VGLL4: variants seen among roughly 807,000 people sequenced by gnomAD.
VGLL4 encodes the protein vestigial like family member 4.
VGLL4 carries 7 observed loss-of-function variants against 21.0 expected under a neutral mutation model. That is an observed-to-expected ratio of 0.33 (90% CI 0.19 to 0.63). The LOEUF (loss-of-function observed/expected upper bound fraction) is 0.63, where lower values mean the gene tolerates loss of function less well. Ranked by LOEUF, VGLL4 falls within the 20% of genes least tolerant of loss-of-function variation. VGLL4 has a pLI of 0.78. For missense variants in VGLL4, 394 were observed against 425.7 expected, an observed-to-expected ratio of 0.93 and a Z score of 0.66; for synonymous variants, 222 against 173.2, an observed-to-expected ratio of 1.28 and a Z score of -2.21.
At position 11,558,454 on chromosome 3, in the gene VGLL4, T is replaced by TGGG; in HGVS notation, c.*101_*102insCCC. The TGGG allele has an allele frequency of 9.4e-7, 1 of 1,064,154 alleles. No homozygotes were observed. The highest frequency in any genetic ancestry group is 1.3e-6 in the Non-Finnish European group (1 of 775,578). 65.9% of individuals were successfully genotyped at this position (1,064,154 alleles called of 1,614,324 possible). A position where few individuals can be genotyped will look rare whatever the true frequency, so the allele number is the denominator to read the frequency against. ...TTTGCAAATAAACCATCCCTTCCCT[T>TGGG]CCCCCCACCCCACCCCCATGATTTT... On this transcript the variant is annotated 3_prime_UTR_variant, in exon 5 of 5. Transcript: ENST00000430365.
Position 11,690,893 on chromosome 3 carries a change from CAG to C in VGLL4, c.64+12076_64+12077del, listed in dbSNP as rs566210322. On this transcript the variant is annotated intron_variant, in intron 2 of 5. Transcript: ENST00000273038. ...TTGCTTCTACACATTATATGCACAT[CAG>C]ATGCCAAGTCAACGAGTATTTCATA... Among the ~76,000 whole-genome samples, 262 of 152,174 alleles carry C rather than the reference CAG, an allele frequency of 1.7e-3. 2 individuals carry two copies. Among genetic ancestry groups the C allele is most frequent in the African/African-American group, 5.8e-3 (242 of 41,538 alleles).
intron 1 of VGLL4, among the ~76,000 whole-genome samples, chr3:11,641,228 T>C (rs998511097): frequency 2.0e-5 from 3 of 151,612 alleles, no homozygotes; most frequent in African/African-American, 7.3e-5. Flanking sequence ...TAATTAACCA[T>C]CCGCATCTTA....
rs559358396 is a variant in VGLL4, at chr3:11,600,210, T to C, written c.272+1623A>G. Among the ~76,000 whole-genome samples the C allele has an allele frequency of 1.3e-3, 195 of 152,256 alleles. 1 individual carries two copies. Among genetic ancestry groups the C allele is most frequent in the African/African-American group, 4.6e-3 (190 of 41,562 alleles). Reference sequence around the variant, plus strand: ...TTAACTATTATCATTGTCATTGTCATTGTCCAATGACAAGGATATCACTGT... The same window carrying C: ...TTAACTATTATCATTGTCATTGTCACTGTCCAATGACAAGGATATCACTGT... On this transcript the variant is annotated intron_variant, in intron 2 of 4. Transcript: ENST00000430365.
intron 2 of VGLL4, among the ~76,000 whole-genome samples, chr3:11,685,057 C>A (rs1003988107): frequency 2.0e-5 from 3 of 152,054 alleles, no homozygotes; most frequent in Non-Finnish European, 4.4e-5. Flanking sequence ...CATTTAGCTC[C>A]CACTTATAAG....
intron 1 of VGLL4, among the ~76,000 whole-genome samples, chr3:11,617,746 C>CACTT (rs2075189905): frequency 6.6e-6 from 1 of 152,212 alleles, no homozygotes; most frequent in African/African-American, 2.4e-5. Context: ...CAGGAAGCTA[C>CACTT]ACTTGTTCCC....
intron 1 of VGLL4, among the ~76,000 whole-genome samples, chr3:11,640,779 G>A (rs983152935): frequency 6.6e-6 from 1 of 152,128 alleles, no homozygotes; most frequent in Non-Finnish European, 1.5e-5. Context: ...AAGGTAAACG[G>A]CTAAAAAGAT....
At chr3:11,674,131 G>A (rs1012010472) in intron 2 of VGLL4, among the ~76,000 whole-genome samples, 1 of 151,968 alleles carries the variant, frequency 6.6e-6, no homozygotes, top group East Asian at 1.9e-4. Context: ...TCTACAACTG[G>A]GAATGCTACA....
intron 2 of VGLL4, among the ~76,000 whole-genome samples, chr3:11,697,622 GTA>G (rs1176726931): frequency 6.6e-6 from 1 of 152,044 alleles, no homozygotes; most frequent in Non-Finnish European, 1.5e-5. Context: ...AGAGAAAAGA[GTA>G]TATGAGTGCA....
intron 2 of VGLL4, among the ~76,000 whole-genome samples, chr3:11,576,693 G>A (rs576543409): frequency 6.6e-5 from 10 of 152,310 alleles, no homozygotes; most frequent in African/African-American, 9.6e-5. Flanking sequence ...CAACCCAGAC[G>A]TCCTGTTCTC....
chr3:11,653,736 C>A lies in VGLL4; in HGVS notation c.64+49235G>T, dbSNP rs1429303229. On this transcript the variant is annotated intron_variant, in intron 2 of 5. Coordinates refer to the VGLL4 transcript ENST00000273038. The surrounding 1 kb of genome is among the most constrained non-coding windows in gnomAD (Gnocchi z 4.2). ...GCAGTTGTACCCGTTTATACTCCTA[C>A]CAGCAGGGTATGAGATTTCAAGTTG... Among the ~76,000 whole-genome samples the A allele has an allele frequency of 6.6e-6, 1 of 152,206 alleles. No individual in the cohort carries two copies. Among genetic ancestry groups the A allele is most frequent in the Admixed American group, 6.5e-5 (1 of 15,268 alleles).
chr3:11,649,895 ATTTGGTTTGG>A (rs139823468), intron 2 of VGLL4, among the ~76,000 whole-genome samples: 64,048 of 144,230 alleles, frequency 0.44, 14,902 homozygotes, highest in Non-Finnish European at 0.52. Flanking sequence ...CAAGTGCTCT[ATTTGGTTTGG>A]TTTGGTTTGG....
chr3:11,585,726 G>A (rs919194714), intron 2 of VGLL4, among the ~76,000 whole-genome samples: 10 of 152,202 alleles, frequency 6.6e-5, no homozygotes, highest in African/African-American at 2.4e-4. Context: ...GAGCAGGCAT[G>A]AGGTGTTTAA....
chr3:11,659,331 T>C (rs1253563310), intron 2 of VGLL4, among the ~76,000 whole-genome samples: 8 of 136,998 alleles, frequency 5.8e-5, no homozygotes, highest in Non-Finnish European at 1.2e-4. Context: ...TTTTTCTTTT[T>C]TTTTTTTTTT....
chr3:11,634,718 C>T (rs574819689), intron 1 of VGLL4, among the ~76,000 whole-genome samples: 1 of 152,010 alleles, frequency 6.6e-6, no homozygotes, highest in South Asian at 2.1e-4. Flanking sequence ...CACTCTGTTG[C>T]CCAGGCCAGA....
intron 1 of VGLL4, among the ~76,000 whole-genome samples, chr3:11,619,220 G>A (rs905654137): frequency 6.6e-6 from 1 of 152,182 alleles, no homozygotes; most frequent in African/African-American, 2.4e-5. Flanking sequence ...AAGCGATCAG[G>A]GATCAGAGAG....
chr3:11,638,846 A>G (rs762994373), intron 1 of VGLL4, among the ~76,000 whole-genome samples: 10 of 152,170 alleles, frequency 6.6e-5, no homozygotes, highest in Non-Finnish European at 1.0e-4. Flanking sequence ...GTGGAAAACA[A>G]AAGATCACAG....
At chr3:11,559,484 G>A (rs2072767890) in intron 3 of VGLL4, 29 bp from the exon 4 acceptor site, 2 of 1,532,378 alleles carry the variant, frequency 1.3e-6, no homozygotes, top group African/African-American at 1.4e-5. Flanking sequence ...TCAGTATGTG[G>A]AGACCAGCTT....
chr3:11,580,684 T>C (rs1226549037), intron 2 of VGLL4, among the ~76,000 whole-genome samples: 1 of 152,198 alleles, frequency 6.6e-6, no homozygotes, highest in African/African-American at 2.4e-5. Context: ...ATAACTGAAA[T>C]TGTAAGCCTT....
At chr3:11,576,130 G>GC (rs1268699150) in intron 2 of VGLL4, among the ~76,000 whole-genome samples, 1 of 152,178 alleles carries the variant, frequency 6.6e-6, no homozygotes, top group Non-Finnish European at 1.5e-5. Context: ...CATCTCACCT[G>GC]CCCCCACGTT....
Sources: allele counts gnomAD v4.1 joint callset (sites outside exome capture counted in the v4.1 genomes callset), GRCh38; gene constraint gnomAD v4.1.1; non-coding constraint Gnocchi (gnomAD v3.1); transcripts MANE v1.5; gene names NCBI Gene and HGNC (gene_info 2026-07-23, HGNC 2026-07-21).